RNF213: variants seen among roughly 807,000 people sequenced by gnomAD.
The protein encoded by RNF213 is ring finger protein 213.
A neutral mutation model predicts 514.4 loss-of-function variants in RNF213; 341 were observed. The observed-to-expected ratio is 0.66, with a 90% confidence interval of 0.61 to 0.73. RNF213 has a LOEUF of 0.73. Among genes scored for constraint, RNF213 ranks in the 30% least tolerant of loss-of-function variants. The probability of loss-of-function intolerance (pLI) is 0.00; values close to 1 mark genes in which losing one functional copy is unlikely to be tolerated. For missense variants in RNF213, 5,767 were observed against 6,615.6 expected (o/e 0.87, Z 4.45); for synonymous variants, 2,655 against 2,658.2 (o/e 1.00, Z 0.04).
At position 80,354,678 on chromosome 17, in the gene RNF213, G is replaced by T. The variant is rs934696056; in HGVS notation, c.10862+102G>T. Reference sequence around the variant, plus strand: ...CCATCCGGGCCATGGGGACTGAGCTGTTTCTTTCCAAACCTCTCAGCCATT... The same window carrying T: ...CCATCCGGGCCATGGGGACTGAGCTTTTTCTTTCCAAACCTCTCAGCCATT... On this transcript the variant is annotated intron_variant, in intron 36 of 67. Transcript: ENST00000582970. The T allele has an allele frequency of 3.7e-5, 53 of 1,431,840 alleles. No individual in the cohort carries two copies. In the South Asian group the frequency reaches 3.8e-4, roughly 10 times the overall value. 88.7% of individuals were successfully genotyped at this position (1,431,840 alleles called of 1,614,324 possible). A position where few individuals can be genotyped will look rare whatever the true frequency, so the allele number is the denominator to read the frequency against.
At position 80,380,949 on chromosome 17, in the gene RNF213, C is replaced by T; in HGVS notation, c.13759C>T (p.His4587Tyr). 6.2e-7 allele frequency: 1 copy of T among 1,614,244 alleles called. No homozygotes were observed. Among genetic ancestry groups the T allele is most frequent in the Non-Finnish European group, 8.5e-7 (1 of 1,180,044 alleles). ...CTTCCTCCTTATCCGGCTACTCACT[C>T]ACTTGGCTCTGCTTCTGGGAGCGTC... ...VVFLLIRLLT[H>Y]LALLLGASQS... Residue 4587 changes from histidine to tyrosine, a missense_variant, in exon 56 of 68, where the codon CAC becomes TAC. Around this residue, in one of 13 missense-constraint regions of RNF213, gnomAD observed 1,245 missense variants for 1,339.0 expected, o/e 0.93. Coordinates refer to ENST00000582970, the MANE Select transcript of RNF213 (RefSeq NM_001256071.3).
intron 67 of RNF213, among the ~76,000 whole-genome samples, chr17:80,391,222 G>C (rs1037153231): frequency 2.0e-5 from 3 of 152,152 alleles, no homozygotes; most frequent in African/African-American, 4.8e-5. Context: ...CCGTGAGGCT[G>C]AACATGTTTT....
chr17:80,290,315 G>T (rs1225047406), intron 6 of RNF213, among the ~76,000 whole-genome samples: 1 of 152,136 alleles, frequency 6.6e-6, no homozygotes, highest in African/African-American at 2.4e-5. Flanking sequence ...GTGTGTGCGT[G>T]TGCGTTCACG....
Position 80,317,303 on chromosome 17 carries a change from T to C in RNF213, c.2901+26T>C. ...GTACCAAAAGTTTGGGGGCAGTCTT[T>C]TCAGGGCGTGAAGGCAAGCTGGAGA... On this transcript the variant is annotated intron_variant, in intron 16 of 67. Transcript: ENST00000582970. The surrounding 1 kb of genome is among the most constrained non-coding windows in gnomAD (Gnocchi z 4.1). 6.2e-7 allele frequency: 1 copy of C among 1,604,890 alleles called. No homozygotes were observed. Among genetic ancestry groups the C allele is most frequent in the Non-Finnish European group, 8.5e-7 (1 of 1,175,838 alleles).
intron 44 of RNF213, 94 bp downstream of exon 44, chr17:80,368,237 AT>A: frequency 7.2e-7 from 1 of 1,390,722 alleles, no homozygotes; most frequent in Non-Finnish European, 1.0e-6. Context: ...ATTAACCTTC[AT>A]TTGGTAGAAA....
chr17:80,344,111 C>A, intron 28 of RNF213, 96 bp downstream of exon 28: 1 of 1,304,492 alleles, frequency 7.7e-7, no homozygotes, highest in Non-Finnish European at 1.1e-6. Flanking sequence ...GACTCCACAT[C>A]TTTGCCTTAC....
chr17:80,310,206 A>G (rs540592541), intron 14 of RNF213, among the ~76,000 whole-genome samples: 1 of 152,232 alleles, frequency 6.6e-6, no homozygotes, highest in East Asian at 1.9e-4. Flanking sequence ...ACTTGAGTTC[A>G]TGAGTTTCAG....
chr17:80,345,346 T>C lies in RNF213; in HGVS notation c.7011T>C (p.Thr2337=). The change falls in exon 29 of 68, where the codon ACT becomes ACC. Residue 2337 remains threonine (T), a synonymous_variant. Transcript: ENST00000582970. This position sits in a 1 kb window ranked among gnomAD's most constrained non-coding sequence, Gnocchi z 6.0. The part of the protein sequence containing the change: ...NGSVDAISHL[T]GKVIKRDVMT... ...GTGTCGATGCCATCAGTCACTTGAC[T>C]GGGAAGGTCATCAAGAGAGACGTCA... 6.2e-7 allele frequency: 1 copy of C among 1,614,108 alleles called. No individual in the cohort carries two copies. Among genetic ancestry groups the C allele is most frequent in the African/African-American group, 1.3e-5 (1 of 75,028 alleles).
At chr17:80,273,186 T>C in intron 2 of RNF213, 55 bp from the exon 3 acceptor site, 1 of 1,608,516 alleles carries the variant, frequency 6.2e-7, no homozygotes, top group South Asian at 1.1e-5. Flanking sequence ...CTGTTTTTCC[T>C]TCCTAACACT....
At chr17:80,336,481 T>A (rs1304040920) in intron 23 of RNF213, 103 bp downstream of exon 23, 7 of 987,262 alleles carry the variant, frequency 7.1e-6, no homozygotes, top group Non-Finnish European at 1.1e-5. Context: ...GTGTGGTAGG[T>A]TTGTACACAG....
At chr17:80,270,603 G>A (rs2043789850) in intron 2 of RNF213, among the ~76,000 whole-genome samples, 1 of 152,220 alleles carries the variant, frequency 6.6e-6, no homozygotes, top group South Asian at 2.1e-4. Flanking sequence ...TCCTTCATCA[G>A]TAGGCATGGC....
intron 32 of RNF213, chr17:80,352,036 G>A (rs1258347495): frequency 5.4e-6 from 2 of 373,300 alleles, no homozygotes; most frequent in African/African-American, 4.2e-5. Flanking sequence ...TGTATGTTTA[G>A]TAGTGACGGG....
At chr17:80,344,428 T>C (rs1381447568) in intron 28 of RNF213, among the ~76,000 whole-genome samples, 1 of 152,200 alleles carries the variant, frequency 6.6e-6, no homozygotes, top group East Asian at 1.9e-4. Flanking sequence ...TATAGCTTAG[T>C]GGAGAAACTT....
chr17:80,382,093 C>T (rs527607413), intron 57 of RNF213: 1 of 313,550 alleles, frequency 3.2e-6, no homozygotes, highest in South Asian at 3.1e-5. Flanking sequence ...ATGCTGGGAG[C>T]ACGTGTCGTC....
At chr17:80,372,903 G>C in intron 48 of RNF213, 72 bp from the exon 49 acceptor site, 1 of 1,502,074 alleles carries the variant, frequency 6.7e-7, no homozygotes, top group Non-Finnish European at 9.1e-7. Context: ...GATGCCCTCT[G>C]GTTGGCCTTG....
Position 80,339,398 on chromosome 17 carries a change from C to T in RNF213, c.5031C>T (p.Cys1677=). Residue 1677 remains cysteine (C), a synonymous_variant, in exon 26 of 68, where the codon TGC becomes TGT. Coordinates refer to ENST00000582970, the MANE Select transcript of RNF213 (RefSeq NM_001256071.3). ...GDVTELLAAL[C]RQMEHFLDSW... ...TCACTGAGCTGCTGGCAGCCCTCTG[C>T]AGGCAGATGGAGCACTTCCTTGACA... is the stretch of plus-strand genomic sequence containing the variant. The T allele has an allele frequency of 6.5e-7, 1 of 1,537,290 alleles. No homozygotes were observed. The highest frequency in any genetic ancestry group is 8.7e-7 in the Non-Finnish European group (1 of 1,146,922).
At position 80,313,153 on chromosome 17, in the gene RNF213, G is replaced by C. The variant is rs199795186; in HGVS notation, c.2797G>C (p.Val933Leu). ...LTSSGASFTY[V>L]KEIEVWRRLV... Reference sequence around the variant, plus strand: ...ATCTTCAGGTGCCTCATTCACATACGTCAAGGAAATTGAGGTAGGCATTTG... The same window carrying C: ...ATCTTCAGGTGCCTCATTCACATACCTCAAGGAAATTGAGGTAGGCATTTG... The change falls in exon 15 of 68, where the codon GTC (valine) becomes CTC (leucine). Residue 933 changes from valine to leucine, a missense_variant. Around this residue, in one of 13 missense-constraint regions of RNF213, gnomAD observed 592 missense variants for 673.9 expected, o/e 0.88. Transcript: ENST00000582970. 1.2e-5 allele frequency: 20 copies of C among 1,614,120 alleles called. No homozygotes were observed. The highest frequency in any genetic ancestry group is 1.6e-5 in the Non-Finnish European group (19 of 1,180,032).
chr17:80,350,004 C>A, intron 30 of RNF213, 98 bp downstream of exon 30: 1 of 1,315,496 alleles, frequency 7.6e-7, no homozygotes, highest in Non-Finnish European at 1.1e-6. Flanking sequence ...ATGAGCGCCA[C>A]AGTCACGTGA....
chr17:80,285,517 C>G (rs1294605938), intron 3 of RNF213, among the ~76,000 whole-genome samples: 4 of 152,214 alleles, frequency 2.6e-5, no homozygotes, highest in Non-Finnish European at 5.9e-5. Flanking sequence ...TTGTGCAGCA[C>G]CTGCCTGTTT....
Sources: gnomAD v4.1 joint callset for allele counts (sites outside exome capture counted in the v4.1 genomes callset) on GRCh38, gnomAD v4.1.1 for gene constraint, gnomAD v4.1.1 regional missense constraint, Gnocchi (gnomAD v3.1) non-coding constraint, MANE v1.5 for transcripts, NCBI Gene and HGNC (gene_info 2026-07-23, HGNC 2026-07-21) for gene names.